The following LRIG1 variants were observed in gnomAD, a reference collection of about 807,000 sequenced individuals.
LRIG1 encodes the protein leucine-rich repeats and immunoglobulin-like domains protein 1.
In LRIG1, 48 loss-of-function variants were observed where a neutral mutation model predicts 99.2. That is an observed-to-expected ratio of 0.48 (90% CI 0.38 to 0.62). The LOEUF (loss-of-function observed/expected upper bound fraction) is 0.62, where lower values mean the gene tolerates loss of function less well. LRIG1 is among the 20% of genes least tolerant of loss of function. LRIG1 has a pLI of 0.00. For missense variants in LRIG1, 1,646 were observed against 1,434.4 expected (o/e 1.15, Z -2.38); for synonymous variants, 772 against 596.1 (o/e 1.29, Z -4.30).
chr3:66,431,203 G>T, intron 3 of LRIG1, among the ~76,000 whole-genome samples: 1 of 152,176 alleles, frequency 6.6e-6, no homozygotes, highest in East Asian at 1.9e-4. Context: ...AATTGTCAGG[G>T]CACATGTGTC....
At chr3:66,395,149 G>A (rs896027977) in intron 11 of LRIG1, among the ~76,000 whole-genome samples, 3 of 152,112 alleles carry the variant, frequency 2.0e-5, no homozygotes, top group Non-Finnish European at 2.9e-5. Flanking sequence ...GCTGGCCCAC[G>A]ATAAGGGAAG....
chr3:66,464,285 CAG>C (rs1312340024), intron 1 of LRIG1, among the ~76,000 whole-genome samples: 1 of 152,094 alleles, frequency 6.6e-6, no homozygotes, highest in East Asian at 1.9e-4. Flanking sequence ...GAGAAATACT[CAG>C]AAACCACAAA....
Position 66,410,264 on chromosome 3 carries a change from T to C in LRIG1, c.800A>G (p.Glu267Gly), listed in dbSNP as rs1702423161. The C allele has an allele frequency of 6.2e-7, 1 of 1,605,616 alleles. No individual in the cohort carries two copies. The highest frequency in any genetic ancestry group is 1.1e-5 in the South Asian group (1 of 89,758). Reference protein sequence around the residue: ...GLSKMHVLHLEYNSLVEVNSG... With the variant: ...GLSKMHVLHLGYNSLVEVNSG... ...GTTCACTTCTACCAGGCTGTTGTAC[T>C]CCAGGTGCCTGCAATGACAGCCATG... Residue 267 changes from glutamate (E) to glycine (G), a missense_variant, in exon 7 of 19, where the codon GAG becomes GGG. Glu to Gly is a moderately conservative substitution (Grantham distance 98). Coordinates refer to ENST00000273261, the MANE Select transcript of LRIG1 (RefSeq NM_015541.3).
chr3:66,415,051 G>A lies in LRIG1; in HGVS notation c.516C>T (p.Gly172=), dbSNP rs906352755. The stretch of plus-strand genomic sequence containing the variant: ...CCAACTCCAGGGTGCCAATCCGATT[G>A]CCTGCCAGGTTGCTGGAATGATTCA... The part of the protein sequence containing the change: ...GPPIKELNLA[G]NRIGTLELGA... The change falls in exon 5 of 19, where the codon GGC becomes GGT. Residue 172 remains glycine (G), a synonymous_variant. Coordinates refer to ENST00000273261, the MANE Select transcript of LRIG1 (RefSeq NM_015541.3). 1.4e-5 allele frequency: 23 copies of A among 1,598,300 alleles called. No homozygotes were observed. In the Admixed American group the frequency reaches 3.4e-4, roughly 24 times the overall value.
At chr3:66,444,606 G>T (rs1019367283) in intron 3 of LRIG1, among the ~76,000 whole-genome samples, 3 of 152,162 alleles carry the variant, frequency 2.0e-5, no homozygotes, top group Non-Finnish European at 4.4e-5. Context: ...CATCACCTGG[G>T]AACTCATGAG....
chr3:66,462,482 C>A lies in LRIG1; in HGVS notation c.246G>T (p.Glu82Asp), dbSNP rs138590216. ...SLNLSYNKLS[E>D]IDPAGFEDLP... ...AGTCCTCAAAACCAGCAGGGTCAATCTCAGAGAGTTTGTTGTAACTCAGGT... is the reference window on the plus strand; with the variant it reads ...AGTCCTCAAAACCAGCAGGGTCAATATCAGAGAGTTTGTTGTAACTCAGGT... Residue 82 changes from glutamate (E) to aspartate (D), a missense_variant, in exon 2 of 19, where the codon GAG (glutamate) becomes GAT (aspartate). By Grantham distance (45) the Glu-to-Asp change is conservative. Coordinates refer to ENST00000273261, the MANE Select transcript of LRIG1 (RefSeq NM_015541.3). The A allele has an allele frequency of 4.2e-5, 68 of 1,612,728 alleles. No homozygotes were observed. The highest frequency in any genetic ancestry group is 5.3e-5 in the Non-Finnish European group (62 of 1,179,382).
chr3:66,401,744 C>G (rs1451369233), intron 9 of LRIG1: 1 of 1,190,388 alleles, frequency 8.4e-7, no homozygotes, highest in African/African-American at 1.5e-5. Context: ...TGTACCACAG[C>G]CGGGCTCCCT....
At chr3:66,472,164 C>T (rs1700611426) in intron 1 of LRIG1, among the ~76,000 whole-genome samples, 1 of 151,686 alleles carries the variant, frequency 6.6e-6, no homozygotes, top group Admixed American at 6.6e-5. Flanking sequence ...ATTAGCCTGG[C>T]GTGGTGGTGG....
Position 66,412,953 on chromosome 3 carries a change from A to C in LRIG1, c.709T>G (p.Leu237Val). 1 of 1,614,206 alleles carries C rather than the reference A, an allele frequency of 6.2e-7. No individual in the cohort carries two copies. Among genetic ancestry groups the C allele is most frequent in the Non-Finnish European group, 8.5e-7 (1 of 1,180,032 alleles). ...TTTCGCTGAAGCTTCAGCACCTCCA[A>C]GCTGTTGAGCCCCTGGAAGGTGAGG... is the stretch of plus-strand genomic sequence containing the variant. ...EGLTFQGLNS[L>V]EVLKLQRNNI... The change falls in exon 6 of 19, where the codon TTG (leucine) becomes GTG (valine). Residue 237 changes from leucine to valine, a missense_variant. By Grantham distance (32) the Leu-to-Val change is conservative. Coordinates refer to ENST00000273261, the MANE Select transcript of LRIG1 (RefSeq NM_015541.3).
At chr3:66,418,091 T>C (rs940721982) in intron 3 of LRIG1, among the ~76,000 whole-genome samples, 5 of 147,244 alleles carry the variant, frequency 3.4e-5, no homozygotes, top group African/African-American at 1.0e-4. Flanking sequence ...TTTTTTTGTT[T>C]TGTTTTTGTT....
At position 66,382,289 on chromosome 3, in the gene LRIG1, C is replaced by T. The variant is rs1336388445; in HGVS notation, c.2601G>A (p.Gly867=). 3 of 1,614,034 alleles carry T rather than the reference C, an allele frequency of 1.9e-6. No individual in the cohort carries two copies. Among genetic ancestry groups the T allele is most frequent in the East Asian group, 4.5e-5 (2 of 44,890 alleles). The change falls in exon 16 of 19, where the codon GGG becomes GGA. Residue 867 remains glycine (G), a synonymous_variant. Transcript: ENST00000273261. The part of the protein sequence containing the change: ...VRTEGGPQAN[G]HIESNGVCPR... Reference sequence around the variant, plus strand: ...AGGCCTTACCATTGCTCTCAATGTGCCCATTGGCCTGAGGGCCACCCTCGG... The same window carrying T: ...AGGCCTTACCATTGCTCTCAATGTGTCCATTGGCCTGAGGGCCACCCTCGG...
At chr3:66,436,802 C>G (rs972809339) in intron 3 of LRIG1, among the ~76,000 whole-genome samples, 3 of 151,446 alleles carry the variant, frequency 2.0e-5, no homozygotes, top group African/African-American at 7.4e-5. Flanking sequence ...TAGGTCAGCA[C>G]CTCTCATGCT....
chr3:66,417,244 C>A lies in LRIG1; in HGVS notation c.388G>T (p.Val130Leu), dbSNP rs770975639. The change falls in exon 4 of 19, where the codon GTG (valine) becomes TTG (leucine). Residue 130 changes from valine to leucine, a missense_variant. Val to Leu is a conservative substitution (Grantham distance 32, BLOSUM62 1). Coordinates refer to ENST00000273261, the MANE Select transcript of LRIG1 (RefSeq NM_015541.3). The part of the protein sequence containing the change: ...LFLQHNKIRS[V>L]EGSQLKAYLS... The stretch of plus-strand genomic sequence containing the variant: ...TAGGCCTTCAGCTGGCTCCCCTCCA[C>A]GCTGCGAATCTTGTTGTGCTGCCTG... 3 of 1,613,956 alleles carry A rather than the reference C, an allele frequency of 1.9e-6. No individual in the cohort carries two copies. The highest frequency in any genetic ancestry group is 1.3e-5 in the African/African-American group (1 of 74,940).
intron 3 of LRIG1, among the ~76,000 whole-genome samples, chr3:66,449,392 G>A (rs1703828044): frequency 6.6e-6 from 1 of 152,176 alleles, no homozygotes; most frequent in South Asian, 2.1e-4. Flanking sequence ...GGCTGCCAGT[G>A]CTAACCTGCA....
At chr3:66,401,824 C>T in intron 9 of LRIG1, 1 of 503,714 alleles carries the variant, frequency 2.0e-6, no homozygotes, top group Non-Finnish European at 3.5e-6. Context: ...CGGGAGTCAC[C>T]TGTCAAACCT....
intron 3 of LRIG1, among the ~76,000 whole-genome samples, chr3:66,448,467 G>C (rs990525317): frequency 3.9e-5 from 6 of 152,216 alleles, no homozygotes; most frequent in Non-Finnish European, 1.5e-5. Flanking sequence ...ATTGGTCAGA[G>C]GGTAACTATG....
At chr3:66,455,811 T>C (rs1700205118) in intron 2 of LRIG1, among the ~76,000 whole-genome samples, 1 of 152,232 alleles carries the variant, frequency 6.6e-6, no homozygotes, top group African/African-American at 2.4e-5. Context: ...GTGGTGAGAC[T>C]TTATGATACG....
rs1700271365 is a variant in LRIG1, at chr3:66,458,098, G to A, written c.290+4340C>T. Among the ~76,000 whole-genome samples the A allele has an allele frequency of 2.0e-5, 3 of 152,194 alleles. No homozygotes were observed. The South Asian group carries it at 6.2e-4, about 31-fold the overall frequency. ...TTTCTAAGTATCTGTTTCCTCTTCT[G>A]CAAAGCAGAGAAACTCCTTTTATTT... is the stretch of plus-strand genomic sequence containing the variant. On this transcript the variant is annotated intron_variant, in intron 2 of 18. Transcript: ENST00000273261.
chr3:66,387,137 T>C (rs997478073), intron 12 of LRIG1: 2 of 150,432 alleles, frequency 1.3e-5, no homozygotes, highest in Non-Finnish European at 2.9e-5. Flanking sequence ...CAGTAGCCAC[T>C]GTTCAACAGC....
Sources: allele counts gnomAD v4.1 joint callset (sites outside exome capture counted in the v4.1 genomes callset), GRCh38; gene constraint gnomAD v4.1.1; transcripts MANE v1.5; gene names NCBI Gene and HGNC (gene_info 2026-07-23, HGNC 2026-07-21).